Variants in AGBL1 observed in about 807,000 individuals in gnomAD.
AGBL1 encodes AGBL carboxypeptidase 1, also known as cytosolic carboxypeptidase 4.
Under a neutral mutation model 118.9 loss-of-function variants are expected in AGBL1, and 130 were observed. The observed-to-expected ratio is 1.09, with a 90% CI of 0.95 to 1.26. AGBL1 has a LOEUF of 1.26. Ranked by LOEUF, AGBL1 falls within the 50% of genes most tolerant of loss-of-function variation. AGBL1 has a pLI of 0.00. For synonymous variants in AGBL1, 555 were observed against 478.9 expected (o/e 1.16, Z -2.08); for missense variants, 1,584 against 1,298.1 (o/e 1.22, Z -3.38).
At chr15:86,565,024 C>T (rs957879618) in intron 21 of AGBL1, among the ~76,000 whole-genome samples, 1 of 152,172 alleles carries the variant, frequency 6.6e-6, no homozygotes, top group Non-Finnish European at 1.5e-5. Context: ...TTCTAGTTAG[C>T]CATTTGTTTA....
chr15:86,652,379 C>G (rs1394500113), intron 21 of AGBL1, among the ~76,000 whole-genome samples: 1 of 151,914 alleles, frequency 6.6e-6, no homozygotes, highest in Non-Finnish European at 1.5e-5. Flanking sequence ...GTTGAAGATC[C>G]AAAGATAAGA....
In AGBL1 at chr15:86,907,744, A is replaced by C. The variant is rs2080300643; in HGVS notation, c.*450A>C. The stretch of plus-strand genomic sequence containing the variant: ...TCTTCCAATGTTATCTCCCCACCAT[A>C]GCATTTGAGCACCCCAGAACAAACC... On this transcript the variant is annotated 3_prime_UTR_variant, in exon 23 of 23. Coordinates refer to ENST00000614907, the MANE Select transcript of AGBL1 (RefSeq NM_001386094.1). 6.6e-6 allele frequency: 1 copy of C among 152,174 alleles called. No individual in the cohort carries two copies. Among genetic ancestry groups the C allele is most frequent in the South Asian group, 2.1e-4 (1 of 4,822 alleles). The allele number at this position is 152,174 out of a possible 1,614,324, so 9.4% of individuals were successfully genotyped here.
chr15:86,960,137 T>A (rs2080976404), intron 23 of AGBL1, among the ~76,000 whole-genome samples: 1 of 152,128 alleles, frequency 6.6e-6, no homozygotes, highest in African/African-American at 2.4e-5. Context: ...GGGTACTACT[T>A]ATCTTGCTTT....
At chr15:86,554,637 G>T in intron 21 of AGBL1, 100 bp downstream of exon 21, 3 of 1,237,934 alleles carry the variant, frequency 2.4e-6, no homozygotes, top group Non-Finnish European at 3.1e-6. Flanking sequence ...GGGGAAGAAG[G>T]CTCCAAGTAG....
chr15:86,559,601 T>C (rs923597403), intron 21 of AGBL1, among the ~76,000 whole-genome samples: 2 of 152,202 alleles, frequency 1.3e-5, no homozygotes, highest in African/African-American at 4.8e-5. Context: ...ATCATACTTA[T>C]TGTGTGCTAA....
intron 6 of AGBL1, among the ~76,000 whole-genome samples, chr15:86,236,944 G>A (rs1597602918): frequency 5.1e-5 from 2 of 39,054 alleles, no homozygotes; most frequent in East Asian, 1.8e-3. Context: ...GGGGGGGGCG[G>A]GGGGGGGCGG....
At chr15:86,427,205 G>A (rs2081877569) in intron 18 of AGBL1, among the ~76,000 whole-genome samples, 1 of 152,148 alleles carries the variant, frequency 6.6e-6, no homozygotes, top group South Asian at 2.1e-4. Context: ...TTATAGGCAG[G>A]AGGGAAAAAG....
chr15:86,674,162 C>G, intron 21 of AGBL1, 111 bp from the exon 22 acceptor site: 2 of 1,007,892 alleles, frequency 2.0e-6, no homozygotes, highest in Non-Finnish European at 2.9e-6. Context: ...ACAATTAATT[C>G]TCACTGTCTG....
intron 23 of AGBL1, among the ~76,000 whole-genome samples, chr15:86,926,413 A>T (rs954150857): frequency 2.0e-5 from 3 of 152,164 alleles, no homozygotes; most frequent in African/African-American, 2.4e-5. Flanking sequence ...ACTTTCCAAT[A>T]GCTTAGTATA....
chr15:86,879,975 A>G (rs2079867518), intron 22 of AGBL1, among the ~76,000 whole-genome samples: 1 of 152,210 alleles, frequency 6.6e-6, no homozygotes, highest in Non-Finnish European at 1.5e-5. Context: ...TAGCAGATGC[A>G]GGAGATGCTT....
At chr15:86,652,469 A>G (rs2085390509) in intron 21 of AGBL1, among the ~76,000 whole-genome samples, 1 of 152,058 alleles carries the variant, frequency 6.6e-6, no homozygotes, top group African/African-American at 2.4e-5. Flanking sequence ...TCCATTCTAG[A>G]AAGATGTTGT....
chr15:87,012,523 G>A (rs910000671), intron 24 of AGBL1, among the ~76,000 whole-genome samples: 11 of 152,008 alleles, frequency 7.2e-5, no homozygotes, highest in Admixed American at 3.9e-4. Context: ...CAGTCACCTG[G>A]TAAGAGGAAC....
chr15:86,627,331 A>G (rs539894142), intron 21 of AGBL1, among the ~76,000 whole-genome samples: 1 of 152,248 alleles, frequency 6.6e-6, no homozygotes, highest in Non-Finnish European at 1.5e-5. Flanking sequence ...GTTTTTGCCT[A>G]TTGTCTGGGC....
At chr15:86,340,838 T>C (rs562762058) in intron 17 of AGBL1, among the ~76,000 whole-genome samples, 1 of 152,052 alleles carries the variant, frequency 6.6e-6, no homozygotes, top group Non-Finnish European at 1.5e-5. Flanking sequence ...CTACCTTGCT[T>C]CTGGTTGGGG....
intron 23 of AGBL1, among the ~76,000 whole-genome samples, chr15:86,978,965 A>G (rs1234201241): frequency 2.0e-5 from 3 of 152,204 alleles, no homozygotes; most frequent in African/African-American, 7.2e-5. Context: ...TTCACACTCA[A>G]ACTGAAGGAG....
At chr15:86,140,184 T>C (rs2076943963) in intron 1 of AGBL1, 1 of 152,962 alleles carries the variant, frequency 6.5e-6, no homozygotes, top group African/African-American at 2.4e-5. Flanking sequence ...CAGGTGTTAA[T>C]CAATTAGTTG....
intron 6 of AGBL1, among the ~76,000 whole-genome samples, chr15:86,241,518 T>TG (rs1567149258): frequency 1.3e-5 from 2 of 152,122 alleles, no homozygotes; most frequent in Non-Finnish European, 2.9e-5. Flanking sequence ...GATAAAGAAT[T>TG]TTTTTTTCTC....
chr15:86,353,582 T>G (rs1369142217), intron 17 of AGBL1, among the ~76,000 whole-genome samples: 1 of 152,228 alleles, frequency 6.6e-6, no homozygotes, highest in Non-Finnish European at 1.5e-5. Context: ...CTAATTATTT[T>G]GCAGTGTGTG....
intron 18 of AGBL1, among the ~76,000 whole-genome samples, chr15:86,433,265 T>TC (rs2081959676): frequency 8.0e-6 from 1 of 125,012 alleles, no homozygotes; most frequent in Admixed American, 8.9e-5. Context: ...TCCTCCTTCT[T>TC]CTTTTTTTTT....
Sources: gnomAD v4.1 joint callset for allele counts (sites outside exome capture counted in the v4.1 genomes callset) on GRCh38, gnomAD v4.1.1 for gene constraint, MANE v1.5 for transcripts, NCBI Gene and HGNC (gene_info 2026-07-23, HGNC 2026-07-21) for gene names.